ANKDD1A: variants seen among roughly 807,000 people sequenced by gnomAD.
ANKDD1A encodes ankyrin repeat and death domain containing 1A, also known as ankyrin repeat and death domain-containing protein 1A.
ANKDD1A carries 59 observed loss-of-function variants against 63.5 expected under a neutral mutation model. The ratio of observed to expected loss-of-function variants is 0.93; its 90% confidence interval spans 0.75 to 1.15. The LOEUF is 1.15. ANKDD1A is among the 50% of genes most tolerant of loss of function. The probability of loss-of-function intolerance (pLI) is 0.00; values close to 1 mark genes in which losing one functional copy is unlikely to be tolerated. For synonymous variants in ANKDD1A, 266 were observed against 263.9 expected (o/e 1.01, Z -0.08); for missense variants, 632 against 656.4 (o/e 0.96, Z 0.41).
intron 3 of ANKDD1A, among the ~76,000 whole-genome samples, chr15:64,920,173 C>G (rs899457288): frequency 2.0e-5 from 3 of 152,148 alleles, no homozygotes; most frequent in African/African-American, 4.8e-5. Flanking sequence ...CTGGCTGGCT[C>G]TTGATGTATC....
intron 14 of ANKDD1A, chr15:64,950,244 TC>T (rs754356883): frequency 1.0e-6 from 1 of 985,422 alleles, no homozygotes; most frequent in Admixed American, 6.1e-5. Flanking sequence ...CATAATCTCT[TC>T]CTTACCAGCC....
intron 13 of ANKDD1A, among the ~76,000 whole-genome samples, chr15:64,948,845 T>C (rs1485182586): frequency 6.6e-6 from 1 of 151,942 alleles, no homozygotes; most frequent in Non-Finnish European, 1.5e-5. Flanking sequence ...AAAAAAAAGA[T>C]TCCTGACACA....
chr15:64,939,438 G>A (rs1056167882), intron 9 of ANKDD1A, among the ~76,000 whole-genome samples: 1 of 152,128 alleles, frequency 6.6e-6, no homozygotes, highest in African/African-American at 2.4e-5. Context: ...GCAACAAAGC[G>A]AGACTGTCTC....
intron 3 of ANKDD1A, among the ~76,000 whole-genome samples, chr15:64,921,303 TTCCTTACAAATTTTTTCTTTTAAA>T (rs2085005022): frequency 6.6e-6 from 1 of 152,212 alleles, no homozygotes; most frequent in African/African-American, 2.4e-5. Context: ...CTAAGATTGG[TTCCTTACAAATTTTTTCTTTTAAA>T]ATGGTCTTTC....
At chr15:64,953,760 C>G (rs375629052) in intron 14 of ANKDD1A, among the ~76,000 whole-genome samples, 1 of 80,314 alleles carries the variant, frequency 1.2e-5, no homozygotes, top group Non-Finnish European at 3.0e-5. Context: ...TTTCTTCGTT[C>G]TTCTTCCTCT....
chr15:64,954,278 CT>C (rs2085379142), intron 14 of ANKDD1A, among the ~76,000 whole-genome samples: 2 of 137,204 alleles, frequency 1.5e-5, no homozygotes, highest in African/African-American at 2.6e-5. Context: ...TTCCTTTCTT[CT>C]TCCTTCTTAG....
chr15:64,917,428 G>T lies in ANKDD1A; in HGVS notation c.181G>T (p.Glu61Ter). Residue 61 changes from glutamate to a stop codon, truncating the protein, a stop_gained, in exon 3 of 15, where the codon GAG becomes TAG. Transcript: ENST00000319580. LOFTEE classifies it high-confidence loss of function. ...GCACTGGGCTGCAGGTGCAGGGCAC[G>T]AGCAGGCTGTGCGTCTGCTTCTGGA... is the stretch of plus-strand genomic sequence containing the variant. The part of the protein sequence containing the change: ...ALHWAAGAGH[E>*]QAVRLLLEHE... 6.2e-7 allele frequency: 1 copy of T among 1,610,854 alleles called. No homozygotes were observed. Among genetic ancestry groups the T allele is most frequent in the South Asian group, 1.1e-5 (1 of 90,430 alleles).
chr15:64,954,272 TTTC>T (rs1343420007), intron 14 of ANKDD1A, among the ~76,000 whole-genome samples: 8 of 147,608 alleles, frequency 5.4e-5, no homozygotes, highest in Admixed American at 1.4e-4. Flanking sequence ...CTTCTTTTCC[TTTC>T]TTCTTCCTTC....
intron 14 of ANKDD1A, among the ~76,000 whole-genome samples, chr15:64,951,592 TTTC>T (rs1042291720): frequency 6.3e-5 from 5 of 78,984 alleles, no homozygotes; most frequent in East Asian, 2.5e-4. Flanking sequence ...CTTCCTTTTC[TTTC>T]TTCTTTCTTC....
intron 14 of ANKDD1A, chr15:64,951,335 T>C (rs568968780): frequency 5.8e-5 from 39 of 676,734 alleles, no homozygotes; most frequent in Non-Finnish European, 6.0e-5. Context: ...TTCCTCTTTT[T>C]CTTTCTTCTT....
chr15:64,926,807 C>A, intron 5 of ANKDD1A, 94 bp from the exon 6 acceptor site: 1 of 1,337,526 alleles, frequency 7.5e-7, no homozygotes. Context: ...CACTACAAAG[C>A]CAGAGTGGTT....
At chr15:64,924,498 C>G (rs994127049) in intron 4 of ANKDD1A, among the ~76,000 whole-genome samples, 6 of 152,256 alleles carry the variant, frequency 3.9e-5, no homozygotes, top group African/African-American at 1.4e-4. Context: ...TATTCAAGGT[C>G]TTCCCCAAAG....
chr15:64,921,064 G>A (rs946308568), intron 3 of ANKDD1A, among the ~76,000 whole-genome samples: 2 of 151,764 alleles, frequency 1.3e-5, no homozygotes, highest in South Asian at 2.1e-4. Flanking sequence ...TCTACCTCCT[G>A]GGCTCAAGTG....
chr15:64,944,969 G>T (rs1041821964), intron 12 of ANKDD1A, among the ~76,000 whole-genome samples: 1 of 152,218 alleles, frequency 6.6e-6, no homozygotes, highest in Non-Finnish European at 1.5e-5. Context: ...CCATGCCAGC[G>T]TGGAGATACT....
chr15:64,926,988 G>T lies in ANKDD1A; in HGVS notation c.559G>T (p.Val187Phe). The stretch of plus-strand genomic sequence containing the variant: ...CGTGGGCTCTGGCTGTGACCACAAT[G>T]TCAAAGACAAGGTACCGTGTCCGTG... Reference protein sequence around the residue: ...FLVGSGCDHNVKDKEGNTALH... With the variant: ...FLVGSGCDHNFKDKEGNTALH... The change falls in exon 6 of 15, where the codon GTC becomes TTC. Residue 187 changes from valine to phenylalanine, a missense_variant. Transcript: ENST00000319580. The T allele has an allele frequency of 6.2e-7, 1 of 1,614,202 alleles. No homozygotes were observed.
At chr15:64,947,355 T>C (rs2085231505) in intron 12 of ANKDD1A, 49 bp from the exon 13 acceptor site, 1 of 1,584,106 alleles carries the variant, frequency 6.3e-7, no homozygotes, top group Non-Finnish European at 8.6e-7. Context: ...ACTGCCCCTG[T>C]CTGGGATCAT....
Position 64,953,548 on chromosome 15 carries a change from T to TC in ANKDD1A, c.1484-3554dup, listed in dbSNP as rs2085346259. 2.1e-5 allele frequency among the ~76,000 whole-genome samples: 3 copies of TC among 143,978 alleles called. No individual in the cohort carries two copies. In the South Asian group the frequency reaches 8.4e-4, roughly 40 times the overall value. The allele number at this position is 143,978 out of a possible 152,430, so 94.5% of individuals were successfully genotyped here. On this transcript the variant is annotated intron_variant, in intron 14 of 14. Transcript: ENST00000319580. ...TCCTTCTTCTCCTCTCCTTCTTCCT[T>TC]CTCCTTCTTTCTTCCTCCTTCTTCT...
intron 14 of ANKDD1A, among the ~76,000 whole-genome samples, chr15:64,954,183 T>C (rs2085376581): frequency 1.8e-5 from 1 of 55,784 alleles, no homozygotes; most frequent in Non-Finnish European, 5.4e-5. Context: ...TTCTTCTTCT[T>C]CTCCTTCTTT....
chr15:64,935,050 T>A (rs1245359289), intron 9 of ANKDD1A, among the ~76,000 whole-genome samples: 4 of 149,460 alleles, frequency 2.7e-5, no homozygotes, highest in Non-Finnish European at 5.9e-5. Flanking sequence ...CCCAGGGAGA[T>A]CCATCTCTAC....
Sources: allele counts gnomAD v4.1 joint callset (sites outside exome capture counted in the v4.1 genomes callset), GRCh38; gene constraint gnomAD v4.1.1; transcripts MANE v1.5; gene names NCBI Gene and HGNC (gene_info 2026-07-23, HGNC 2026-07-21).